The following ZNG1E variants were observed in gnomAD, a reference collection of about 807,000 sequenced individuals.
ZNG1E encodes Zn regulated GTPase metalloprotein activator 1E.
chr9:65,665,359 C>G, the ZNG1E span, among the ~76,000 whole-genome samples: 31 of 152,332 alleles, frequency 2.0e-4, no homozygotes, highest in African/African-American at 7.0e-4. Flanking sequence ...CAAAGTACAG[C>G]TCTGTCTGTT....
At chr9:65,697,384 TA>T in the ZNG1E span, among the ~76,000 whole-genome samples, 3 of 80,382 alleles carry the variant, frequency 3.7e-5, 1 homozygote, top group Non-Finnish European at 5.5e-5. Context: ...TGTGTTCAAT[TA>T]AAAAAAAAGT....
chr9:65,679,349 GGTATT>G, the ZNG1E span: 1 of 230,800 alleles, frequency 4.3e-6, no homozygotes, highest in Non-Finnish European at 9.0e-6. Flanking sequence ...GAAAATGCAA[GGTATT>G]GTATTGATGT....
At chr9:65,705,330 AC>A in the ZNG1E span, among the ~76,000 whole-genome samples, 1 of 151,858 alleles carries the variant, frequency 6.6e-6, no homozygotes, top group Non-Finnish European at 1.5e-5. Flanking sequence ...AATTTGACAA[AC>A]TGCCTGCTAT....
At chr9:65,668,595 A>T in the ZNG1E span, among the ~76,000 whole-genome samples, 2 of 147,102 alleles carry the variant, frequency 1.4e-5, no homozygotes, top group South Asian at 2.1e-4. Flanking sequence ...CAGTGCAGTG[A>T]TCATAGCTCA....
At chr9:65,666,241 T>A in the ZNG1E span, among the ~76,000 whole-genome samples, 29 of 150,648 alleles carry the variant, frequency 1.9e-4, 2 homozygotes, top group East Asian at 5.2e-3. Context: ...AGGGACCCGG[T>A]GGGAGGTAAC....
chr9:65,672,548 A>G, the ZNG1E span, among the ~76,000 whole-genome samples: 1 of 151,836 alleles, frequency 6.6e-6, no homozygotes, highest in Admixed American at 6.6e-5. Flanking sequence ...GTTCAAGACC[A>G]GCCTGGCTAA....
At chr9:65,727,347 A>C in the ZNG1E span, among the ~76,000 whole-genome samples, 18 of 147,934 alleles carry the variant, frequency 1.2e-4, no homozygotes, top group Non-Finnish European at 2.1e-4. Flanking sequence ...AACCAAAAAA[A>C]ACAAGGTATA....
chr9:65,691,513 A>C, the ZNG1E span, among the ~76,000 whole-genome samples: 1 of 152,218 alleles, frequency 6.6e-6, no homozygotes, highest in Non-Finnish European at 1.5e-5. Flanking sequence ...TATAGATTAA[A>C]AAACCCCAGA....
At chr9:65,679,394 CT>C in the ZNG1E span, 2 of 183,532 alleles carry the variant, frequency 1.1e-5, no homozygotes, top group African/African-American at 4.8e-5. Flanking sequence ...AGATTAATTT[CT>C]GTTAAGATTT....
the ZNG1E span, among the ~76,000 whole-genome samples, chr9:65,687,431 T>C: frequency 6.6e-6 from 1 of 152,010 alleles, no homozygotes; most frequent in African/African-American, 2.4e-5. Context: ...TCAAAATATT[T>C]GTCTTTTGTT....
chr9:65,664,075 A>C, the ZNG1E span, among the ~76,000 whole-genome samples: 6 of 152,224 alleles, frequency 3.9e-5, no homozygotes, highest in African/African-American at 1.4e-4. Context: ...CTGCATACTT[A>C]TGAACAAATT....
the ZNG1E span, chr9:65,707,940 A>C: frequency 6.7e-6 from 1 of 149,202 alleles, no homozygotes; most frequent in Non-Finnish European, 1.5e-5. Context: ...GCTCACTGCA[A>C]CCTCCACTTC....
chr9:65,716,337 C>A, the ZNG1E span, among the ~76,000 whole-genome samples: 1 of 148,678 alleles, frequency 6.7e-6, no homozygotes, highest in Non-Finnish European at 1.5e-5. Context: ...TTTTAATTTT[C>A]TGTAAGCATG....
At chr9:65,661,912 A>G in the ZNG1E span, among the ~76,000 whole-genome samples, 7 of 152,274 alleles carry the variant, frequency 4.6e-5, no homozygotes, top group African/African-American at 1.4e-4. Flanking sequence ...GCTTTAATAA[A>G]GCTGTAATTT....
At chr9:65,664,132 T>C in the ZNG1E span, among the ~76,000 whole-genome samples, 1 of 152,098 alleles carries the variant, frequency 6.6e-6, no homozygotes. Flanking sequence ...TACAAATCAG[T>C]ACATATAAAA....
At chr9:65,709,399 T>C in the ZNG1E span, among the ~76,000 whole-genome samples, 3 of 149,248 alleles carry the variant, frequency 2.0e-5, no homozygotes, top group African/African-American at 7.6e-5. Flanking sequence ...ATGTGCACAA[T>C]GTGCAGGTTA....
the ZNG1E span, among the ~76,000 whole-genome samples, chr9:65,667,967 G>A: frequency 7.1e-6 from 1 of 141,236 alleles, no homozygotes; most frequent in Non-Finnish European, 1.6e-5. Flanking sequence ...TTGTACTCCA[G>A]CCTGGACACC....
At chr9:65,693,851 C>T in the ZNG1E span, among the ~76,000 whole-genome samples, 1 of 151,786 alleles carries the variant, frequency 6.6e-6, no homozygotes, top group African/African-American at 2.4e-5. Context: ...GCCACCACGC[C>T]CGGCCTGAAC....
the ZNG1E span, among the ~76,000 whole-genome samples, chr9:65,716,841 CT>C: frequency 6.9e-6 from 1 of 145,926 alleles, no homozygotes; most frequent in African/African-American, 2.6e-5. Context: ...TGTTTTTCAC[CT>C]GTAGCTTCTG....
Sources: allele counts gnomAD v4.1 joint callset (sites outside exome capture counted in the v4.1 genomes callset), GRCh38; gene constraint gnomAD v4.1.1; transcripts MANE v1.5; gene names NCBI Gene and HGNC (gene_info 2026-07-23, HGNC 2026-07-21).